ERAP1: variants seen among roughly 807,000 people sequenced by gnomAD.
ERAP1 encodes endoplasmic reticulum aminopeptidase 1.
Under a neutral mutation model 103.7 loss-of-function variants are expected in ERAP1, and 86 were observed. The observed-to-expected ratio is 0.83, with a 90% CI of 0.70 to 0.99. ERAP1 has a LOEUF of 0.99. Among genes scored for constraint, ERAP1 ranks in the 50% least tolerant of loss-of-function variants. The pLI is 0.00. For missense variants in ERAP1, 1,009 were observed against 1,128.4 expected (o/e 0.89, Z 1.52); for synonymous variants, 398 against 402.4 (o/e 0.99, Z 0.13).
rs549566311 is a variant in ERAP1, at chr5:96,803,711, G to A, written c.216C>T (p.Thr72=). ...HYDLLIHANL[T]TLTFWGTTKV... ...TCGTGGTTCCCCAGAAGGTCAGCGTGGTAAGGTTTGCATGGATCAAGAGAT... is the reference window on the plus strand; with the variant it reads ...TCGTGGTTCCCCAGAAGGTCAGCGTAGTAAGGTTTGCATGGATCAAGAGAT... Residue 72 remains threonine (T), a synonymous_variant, in exon 2 of 19, where the codon ACC becomes ACT. Transcript: ENST00000443439. The A allele has an allele frequency of 4.2e-5, 67 of 1,614,206 alleles. No individual in the cohort carries two copies. In the African/African-American group the frequency reaches 7.7e-4, roughly 19 times the overall value.
At chr5:96,772,087 A>AT (rs1424867661), downstream of ERAP1, 1 of 156,914 alleles carries the variant, frequency 6.4e-6, no homozygotes, top group East Asian at 1.9e-4. Flanking sequence ...ATTCCCCAGA[A>AT]TACCAATACA....
chr5:96,902,595 CAG>C, the ERAP1 span: 3 of 383,954 alleles, frequency 7.8e-6, no homozygotes, highest in Non-Finnish European at 1.4e-5. Context: ...CAAGAAATAA[CAG>C]AAATCTATCT....
the ERAP1 span, among the ~76,000 whole-genome samples, chr5:96,822,118 C>A: frequency 6.6e-6 from 1 of 152,202 alleles, no homozygotes; most frequent in African/African-American, 2.4e-5. Flanking sequence ...TTCAGCAGGT[C>A]CTATTGATTT....
At chr5:96,909,962 T>C in the ERAP1 span, 14 of 521,990 alleles carry the variant, frequency 2.7e-5, no homozygotes, top group Middle Eastern at 5.2e-4. Context: ...TGAAATGTAA[T>C]GGTGTCCATT....
intron 6 of ERAP1, 92 bp downstream of exon 6, chr5:96,793,709 GAC>G: frequency 7.8e-7 from 1 of 1,287,996 alleles, no homozygotes; most frequent in Non-Finnish European, 1.1e-6. Context: ...ATTAAAAAAA[GAC>G]AAAGTAAAAA....
chr5:96,763,209 T>C, exon 20 of ERAP1: 1 of 780,774 alleles, frequency 1.3e-6, no homozygotes, highest in Non-Finnish European at 2.4e-6. Context: ...TTCATCCTGT[T>C]GCGTCAGCTT....
Position 96,774,509 on chromosome 5 carries a change from T to TATC in ERAP1, c.*1884_*1886dup, listed in dbSNP as rs1773627088. 1.0e-6 allele frequency: 1 copy of TATC among 986,532 alleles called. No individual in the cohort carries two copies. The highest frequency in any genetic ancestry group is 1.2e-6 in the Non-Finnish European group (1 of 829,796). The allele number at this position is 986,532 out of a possible 1,614,324, so 61.1% of individuals were successfully genotyped here. ...TTAGAGGCAAAGAACAATTTTTTAT[T>TATC]ATCAAAAAGGTTTCTGCACATTGTT... On this transcript the variant is annotated 3_prime_UTR_variant, in exon 19 of 19. Coordinates refer to ENST00000443439, the MANE Select transcript of ERAP1 (RefSeq NM_001040458.3).
At position 96,797,199 on chromosome 5, in the gene ERAP1, G is replaced by C. The variant is rs1777440134; in HGVS notation, c.774C>G (p.Ser258Arg). The change falls in exon 4 of 19, where the codon AGC (serine) becomes AGG (arginine). Residue 258 changes from serine to arginine, a missense_variant. Around this residue, in one of 3 missense-constraint regions of ERAP1, gnomAD observed 392 missense variants for 455.2 expected, o/e 0.86. Coordinates refer to ENST00000443439, the MANE Select transcript of ERAP1 (RefSeq NM_001040458.3). Reference sequence around the variant, plus strand: ...CCTTGACTCCACTCTTGGTTATCTTGCTGACAGACTCAAAATCTGAAATGA... The same window carrying C: ...CCTTGACTCCACTCTTGGTTATCTTCCTGACAGACTCAAAATCTGAAATGA... Reference protein sequence around the residue: ...AFIISDFESVSKITKSGVKVS... With the variant: ...AFIISDFESVRKITKSGVKVS... 2.5e-6 allele frequency: 4 copies of C among 1,613,966 alleles called. No homozygotes were observed. The highest frequency in any genetic ancestry group is 3.4e-6 in the Non-Finnish European group (4 of 1,180,022).
At chr5:96,917,563 G>T in the ERAP1 span, 5 of 1,613,532 alleles carry the variant, frequency 3.1e-6, no homozygotes, top group East Asian at 8.9e-5. Flanking sequence ...GGCTGGAGAA[G>T]AATCTTCCGA....
At chr5:96,892,232 C>A in the ERAP1 span, 1 of 1,524,764 alleles carries the variant, frequency 6.6e-7, no homozygotes, top group African/African-American at 1.4e-5. Flanking sequence ...TGTATTTGAG[C>A]AGAGAGCAAA....
In ERAP1 at chr5:96,784,059, T is replaced by G; in HGVS notation, c.1965A>C (p.Glu655Asp). 1 of 1,614,128 alleles carries G rather than the reference T, an allele frequency of 6.2e-7. No individual in the cohort carries two copies. Among genetic ancestry groups the G allele is most frequent in the Non-Finnish European group, 8.5e-7 (1 of 1,179,996 alleles). Residue 655 changes from glutamate (E) to aspartate (D), a missense_variant, in exon 14 of 19, where the codon GAA becomes GAC. Transcript: ENST00000443439. ...AGTACAGGGATAAATCCAAGGCCTT[T>G]TCAATGGACAGCTTCCCAATGCTGA... The part of the protein sequence containing the change: ...QLVSIGKLSI[E>D]KALDLSLYLK...
chr5:96,839,004 C>CA, the ERAP1 span, among the ~76,000 whole-genome samples: 1 of 152,218 alleles, frequency 6.6e-6, no homozygotes, highest in Non-Finnish European at 1.5e-5. Flanking sequence ...GGAGTTCCCA[C>CA]AATCCCTCAT....
chr5:96,934,614 TAAC>T, the ERAP1 span: 3 of 152,276 alleles, frequency 2.0e-5, no homozygotes, highest in South Asian at 2.1e-4. Flanking sequence ...AGGGATGTAA[TAAC>T]AACAGGCAGT....
At chr5:96,883,823 C>G in the ERAP1 span, 2 of 1,613,056 alleles carry the variant, frequency 1.2e-6, no homozygotes, top group South Asian at 2.2e-5. Flanking sequence ...TGAGCCAACC[C>G]AGGCACGCAT....
At chr5:96,889,421 A>G in the ERAP1 span, 3 of 1,180,604 alleles carry the variant, frequency 2.5e-6, no homozygotes, top group African/African-American at 4.5e-5. Flanking sequence ...CAGTTAGCTC[A>G]GGAAAAAATA....
At chr5:96,893,147 C>G in the ERAP1 span, among the ~76,000 whole-genome samples, 1 of 152,094 alleles carries the variant, frequency 6.6e-6, no homozygotes, top group Admixed American at 6.6e-5. Flanking sequence ...GGCCATCTAT[C>G]AACACTGTAT....
At chr5:96,828,469 A>C in the ERAP1 span, among the ~76,000 whole-genome samples, 1 of 152,194 alleles carries the variant, frequency 6.6e-6, no homozygotes, top group Non-Finnish European at 1.5e-5. Flanking sequence ...TTACTAAGAG[A>C]AAAATAAAAC....
At chr5:96,794,171 CTTTTTTTTTTTT>C (rs35041937) in intron 5 of ERAP1, among the ~76,000 whole-genome samples, 3 of 68,738 alleles carry the variant, frequency 4.4e-5, no homozygotes, top group Admixed American at 2.1e-4. Flanking sequence ...CATCTCAGGC[CTTTTTTTTTTTT>C]TTTTTTTTTT....
At chr5:96,930,214 T>C in the ERAP1 span, among the ~76,000 whole-genome samples, 2 of 152,194 alleles carry the variant, frequency 1.3e-5, no homozygotes, top group African/African-American at 2.4e-5. Context: ...CTCTAGTTTT[T>C]TGCCTGATAA....
Sources: allele counts gnomAD v4.1 joint callset (sites outside exome capture counted in the v4.1 genomes callset), GRCh38; gene constraint gnomAD v4.1.1; regional missense constraint gnomAD v4.1.1; transcripts MANE v1.5; gene names NCBI Gene and HGNC (gene_info 2026-07-23, HGNC 2026-07-21).